GON4L: variants seen among roughly 807,000 people sequenced by gnomAD.
The protein encoded by GON4L is GON-4-like protein.
Under a neutral mutation model 211.8 loss-of-function variants are expected in GON4L, and 87 were observed. That is an observed-to-expected ratio of 0.41 (90% confidence interval 0.35 to 0.49). GON4L has a LOEUF of 0.49. Among genes scored for constraint, GON4L ranks in the 20% least tolerant of loss-of-function variants. GON4L has a pLI of 0.15. For synonymous variants in GON4L, 875 were observed against 962.6 expected, an observed-to-expected ratio of 0.91 and a Z score of 1.68; for missense variants, 2,155 against 2,659.5, an observed-to-expected ratio of 0.81 and a Z score of 4.17.
chr1:155,801,690 C>A (rs1666681068), intron 11 of GON4L, among the ~76,000 whole-genome samples: 1 of 151,880 alleles, frequency 6.6e-6, no homozygotes, highest in African/African-American at 2.4e-5. Flanking sequence ...TGAGACCAGT[C>A]TGACCAATAT....
At chr1:155,813,929 CTAGT>C in intron 9 of GON4L, 125 bp from the exon 10 acceptor site, 5 of 755,918 alleles carry the variant, frequency 6.6e-6, no homozygotes, top group Non-Finnish European at 6.8e-6. Context: ...TTTCTCTTCT[CTAGT>C]TAGAGTTACA....
At chr1:155,811,999 T>C (rs1389927927) in intron 10 of GON4L, among the ~76,000 whole-genome samples, 1 of 150,086 alleles carries the variant, frequency 6.7e-6, no homozygotes, top group Non-Finnish European at 1.5e-5. Flanking sequence ...TGCAGTGAGC[T>C]GAGGTCGCGC....
chr1:155,845,986 T>C (rs1001990814), intron 2 of GON4L: 2 of 206,998 alleles, frequency 9.7e-6, no homozygotes, highest in African/African-American at 2.3e-5. Context: ...AGCTTCTGGG[T>C]ACCAGAAGCT....
At chr1:155,795,703 G>C (rs971743344) in intron 11 of GON4L, among the ~76,000 whole-genome samples, 1 of 152,018 alleles carries the variant, frequency 6.6e-6, no homozygotes, top group African/African-American at 2.4e-5. Flanking sequence ...GCAGTGGCAC[G>C]ATCATGGCTC....
chr1:155,809,999 TA>T (rs1390622406), intron 10 of GON4L, among the ~76,000 whole-genome samples: 5,466 of 123,718 alleles, frequency 0.044, 46 homozygotes, highest in Non-Finnish European at 0.063. Context: ...TAATTATATA[TA>T]TATATATATT....
At chr1:155,843,481 TC>T (rs1292357772) in intron 2 of GON4L, among the ~76,000 whole-genome samples, 2 of 152,084 alleles carry the variant, frequency 1.3e-5, no homozygotes, top group African/African-American at 2.4e-5. Flanking sequence ...CCAACCACCC[TC>T]CTACCCCCTA....
downstream of GON4L, chr1:155,748,824 T>C (rs1346143607): frequency 6.9e-6 from 11 of 1,583,744 alleles, no homozygotes; most frequent in Non-Finnish European, 9.5e-6. Context: ...CCTTGTCAGA[T>C]TTTTGTTTCA....
At chr1:155,810,041 G>T (rs539699850) in intron 10 of GON4L, among the ~76,000 whole-genome samples, 18 of 144,962 alleles carry the variant, frequency 1.2e-4, no homozygotes, top group African/African-American at 3.8e-4. Context: ...TGTCACCCAG[G>T]CTGGAGTGCA....
At chr1:155,785,395 A>T in intron 12 of GON4L, 21 bp from the exon 13 acceptor site, 2 of 1,552,668 alleles carry the variant, frequency 1.3e-6, no homozygotes, top group Non-Finnish European at 1.8e-6. Context: ...GCCAGACAGT[A>T]TATTGTTGGT....
At chr1:155,782,464 T>C (rs1487778417) in intron 14 of GON4L, among the ~76,000 whole-genome samples, 4 of 152,162 alleles carry the variant, frequency 2.6e-5, no homozygotes, top group Non-Finnish European at 5.9e-5. Context: ...CAATATGTTA[T>C]ACCGTATAGC....
At chr1:155,762,520 TAAGTCCGTC>T (rs1237460312) in intron 22 of GON4L, 146 bp from the exon 23 acceptor site, 1 of 660,030 alleles carries the variant, frequency 1.5e-6, no homozygotes, top group African/African-American at 1.8e-5. Flanking sequence ...GTATGAGAAC[TAAGTCCGTC>T]AAGTCAGTTC....
At chr1:155,816,099 A>G (rs1477420656) in intron 7 of GON4L, 113 bp downstream of exon 7, 2 of 710,638 alleles carry the variant, frequency 2.8e-6, no homozygotes, top group Non-Finnish European at 5.1e-6. Context: ...GAAAAAAACA[A>G]AGCTGGAATT....
At chr1:155,766,787 T>A in intron 20 of GON4L, 78 bp from the exon 21 acceptor site, 1 of 1,601,040 alleles carries the variant, frequency 6.2e-7, no homozygotes. Context: ...GGCTCACGCC[T>A]GTAATCCCAG....
chr1:155,812,626 G>A (rs893830481), intron 10 of GON4L, among the ~76,000 whole-genome samples: 3 of 151,180 alleles, frequency 2.0e-5, no homozygotes, highest in South Asian at 2.1e-4. Context: ...CGCAATCTCA[G>A]CTCACTGCAA....
chr1:155,806,470 G>C (rs1667140605), intron 10 of GON4L, among the ~76,000 whole-genome samples: 1 of 151,944 alleles, frequency 6.6e-6, no homozygotes, highest in East Asian at 1.9e-4. Flanking sequence ...TTTTTGTAGA[G>C]ATGGGGGTGG....
chr1:155,813,030 T>A (rs1667930912), intron 10 of GON4L, among the ~76,000 whole-genome samples: 1 of 152,210 alleles, frequency 6.6e-6, no homozygotes, highest in Non-Finnish European at 1.5e-5. Flanking sequence ...AAGAGAACCA[T>A]CAAGCAATTG....
In GON4L at chr1:155,766,663, C is replaced by T. The variant is rs140309497; in HGVS notation, c.2810G>A (p.Gly937Asp). 21 of 1,614,176 alleles carry T rather than the reference C, an allele frequency of 1.3e-5. No homozygotes were observed. The highest frequency in any genetic ancestry group is 1.7e-5 in the Non-Finnish European group (20 of 1,180,038). ...AGTCATATTTCCTACCTCTCTAGCA[C>T]CATCAGCCATGTGCCGCAGTTCTTC... Reference protein sequence around the residue: ...IQEELRHMADGAREVGNMTGT... With the variant: ...IQEELRHMADDAREVGNMTGT... The change falls in exon 21 of 32, where the codon GGT (glycine) becomes GAT (aspartate). Residue 937 changes from glycine to aspartate, a missense_variant. Coordinates refer to ENST00000368331, the MANE Select transcript of GON4L (RefSeq NM_001282860.2).
intron 17 of GON4L, 159 bp downstream of exon 17, chr1:155,774,843 G>A (rs1663614877): frequency 1.2e-6 from 1 of 857,200 alleles, no homozygotes; most frequent in African/African-American, 1.7e-5. Context: ...CTAGAACTTG[G>A]ATAATGAGTA....
chr1:155,827,077 A>G, intron 2 of GON4L, 49 bp from the exon 3 acceptor site: 1 of 1,340,342 alleles, frequency 7.5e-7, no homozygotes, highest in Non-Finnish European at 1.1e-6. Flanking sequence ...TCTCAGTCAT[A>G]CTCTGTTGTA....
Sources: gnomAD v4.1 joint callset for allele counts (sites outside exome capture counted in the v4.1 genomes callset) on GRCh38, gnomAD v4.1.1 for gene constraint, MANE v1.5 for transcripts, NCBI Gene and HGNC (gene_info 2026-07-23, HGNC 2026-07-21) for gene names.